DAB1: variants seen among roughly 807,000 people sequenced by gnomAD.
DAB1 encodes disabled homolog 1.
In DAB1, 15 loss-of-function variants were observed where a neutral mutation model predicts 64.6. That is an observed-to-expected ratio of 0.23 (90% confidence interval 0.16 to 0.36). The LOEUF (loss-of-function observed/expected upper bound fraction) is 0.36, where lower values mean the gene tolerates loss of function less well. Ranked by LOEUF, DAB1 falls within the 10% of genes least tolerant of loss-of-function variation. The probability of loss-of-function intolerance (pLI) is 1.00; values close to 1 mark genes in which losing one functional copy is unlikely to be tolerated. For missense variants in DAB1, 596 were observed against 706.7 expected (o/e 0.84, Z 1.78); for synonymous variants, 235 against 251.9 (o/e 0.93, Z 0.64).
intron 4 of DAB1, among the ~76,000 whole-genome samples, chr1:57,084,655 A>G (rs1018994028): frequency 2.6e-5 from 4 of 152,258 alleles, no homozygotes; most frequent in East Asian, 1.9e-4. Context: ...TAATTTTTCA[A>G]TCTGTAAAAT....
At chr1:57,843,334 T>C (rs1197501801) in intron 1 of DAB1, among the ~76,000 whole-genome samples, 3 of 152,176 alleles carry the variant, frequency 2.0e-5, no homozygotes, top group Non-Finnish European at 4.4e-5. Context: ...AGGTTTTAGA[T>C]TTATGCTCAG....
chr1:57,721,529 C>G (rs1054475410), intron 6 of DAB1, among the ~76,000 whole-genome samples: 3 of 152,202 alleles, frequency 2.0e-5, no homozygotes, highest in African/African-American at 7.2e-5. Context: ...CTTCATCTTA[C>G]AAATGAGGAT....
chr1:57,335,383 G>A (rs1385532716), intron 1 of DAB1, among the ~76,000 whole-genome samples: 1 of 152,158 alleles, frequency 6.6e-6, no homozygotes, highest in Non-Finnish European at 1.5e-5. Context: ...AAATGCAAAT[G>A]ACTATTTTAC....
intron 2 of DAB1, among the ~76,000 whole-genome samples, chr1:57,268,308 G>T (rs1028795369): frequency 6.6e-6 from 1 of 152,226 alleles, no homozygotes; most frequent in African/African-American, 2.4e-5. Context: ...TGATGCTGCT[G>T]CAAAAGAAGG....
At chr1:58,502,895 T>G (rs1237944521) in intron 3 of DAB1, among the ~76,000 whole-genome samples, 1 of 152,344 alleles carries the variant, frequency 6.6e-6, no homozygotes, top group East Asian at 1.9e-4. Context: ...TCAAATTAAG[T>G]TTCTGAACTA....
chr1:57,238,841 G>GCACACACACACACACATA (rs1668284149), intron 2 of DAB1, among the ~76,000 whole-genome samples: 2 of 138,298 alleles, frequency 1.4e-5, no homozygotes, highest in East Asian at 4.3e-4. Context: ...GTGCACATGC[G>GCACACACACACACACATA]CACACACACA....
intron 5 of DAB1, among the ~76,000 whole-genome samples, chr1:58,147,739 T>C (rs935026481): frequency 5.3e-5 from 8 of 152,160 alleles, no homozygotes; most frequent in Admixed American, 2.0e-4. Flanking sequence ...ATAACTTTCA[T>C]TGAGAGCTTA....
chr1:57,488,128 A>G (rs2254691), intron 7 of DAB1, among the ~76,000 whole-genome samples: 23,181 of 152,078 alleles, frequency 0.15, 4,507 homozygotes, highest in African/African-American at 0.45. Context: ...TGGGGGCCAG[A>G]CACGGCGGCT....
intron 2 of DAB1, among the ~76,000 whole-genome samples, chr1:57,189,149 A>G (rs1371923516): frequency 6.6e-6 from 1 of 151,652 alleles, no homozygotes; most frequent in East Asian, 1.9e-4. Context: ...CTCTTTTCCT[A>G]CCCCTTGCAA....
chr1:58,222,999 G>T (rs995718294), intron 4 of DAB1, among the ~76,000 whole-genome samples: 2 of 152,104 alleles, frequency 1.3e-5, no homozygotes, highest in Non-Finnish European at 2.9e-5. Context: ...TGGGTCAGGG[G>T]CCTCTTTGAG....
At chr1:58,119,225 CGTGTGTGTGTGT>C (rs35994489) in intron 5 of DAB1, among the ~76,000 whole-genome samples, 3 of 146,988 alleles carry the variant, frequency 2.0e-5, no homozygotes, top group Non-Finnish European at 3.0e-5. Context: ...TGTGTGTGTG[CGTGTGTGTGTGT>C]GTGTGTGTGT....
chr1:57,652,300 A>G (rs1361320276), intron 6 of DAB1, among the ~76,000 whole-genome samples: 1 of 152,058 alleles, frequency 6.6e-6, no homozygotes, highest in African/African-American at 2.4e-5. Flanking sequence ...GCACTACAGA[A>G]GGACCATTTC....
rs74990482 is a variant in DAB1, at chr1:57,000,852, C to T, written c.*16-2724G>A. 1.1e-4 allele frequency among the ~76,000 whole-genome samples: 17 copies of T among 152,266 alleles called. No homozygotes were observed. In the East Asian group the frequency reaches 2.3e-3, roughly 21 times the overall value. Reference sequence around the variant, plus strand: ...AACTAATTTATCCAACTGAAAATGACACCTAAAAACAGAAGAAGACAGCAG... The same window carrying T: ...AACTAATTTATCCAACTGAAAATGATACCTAAAAACAGAAGAAGACAGCAG... On this transcript the variant is annotated intron_variant, in intron 14 of 14. Transcript: ENST00000371236.
intron 1 of DAB1, among the ~76,000 whole-genome samples, chr1:57,355,132 G>A (rs372010861): frequency 8.6e-5 from 13 of 151,710 alleles, no homozygotes; most frequent in Non-Finnish European, 1.8e-4. Context: ...ATACAATCTT[G>A]GTCAAAAACC....
intron 1 of DAB1, among the ~76,000 whole-genome samples, chr1:57,408,296 GA>G (rs11284630): frequency 0.4 from 60,727 of 151,988 alleles, 12,693 homozygotes; most frequent in African/African-American, 0.46. Flanking sequence ...TTGGATTTTA[GA>G]AAAGGCAGCA....
At chr1:58,171,903 A>G (rs554062488) in intron 4 of DAB1, among the ~76,000 whole-genome samples, 1 of 152,220 alleles carries the variant, frequency 6.6e-6, no homozygotes, top group Non-Finnish European at 1.5e-5. Context: ...CAGCAGGTCA[A>G]ATATTTAGGC....
intron 7 of DAB1, among the ~76,000 whole-genome samples, chr1:57,578,922 T>C (rs948774303): frequency 6.6e-6 from 1 of 152,224 alleles, no homozygotes; most frequent in African/African-American, 2.4e-5. Flanking sequence ...TGCTGAATCA[T>C]TGCCTGAATA....
intron 4 of DAB1, among the ~76,000 whole-genome samples, chr1:58,260,521 A>C (rs1661025782): frequency 6.6e-6 from 1 of 152,142 alleles, no homozygotes; most frequent in Admixed American, 6.5e-5. Context: ...CTTATTGCCT[A>C]ATCATTAGCC....
intron 5 of DAB1, among the ~76,000 whole-genome samples, chr1:58,082,667 G>A (rs1557642491): frequency 1.3e-5 from 2 of 152,030 alleles, no homozygotes; most frequent in Non-Finnish European, 2.9e-5. Context: ...GGTGGAGTGG[G>A]GAGATCGTCA....
Sources: allele counts gnomAD v4.1 joint callset (sites outside exome capture counted in the v4.1 genomes callset), GRCh38; gene constraint gnomAD v4.1.1; transcripts MANE v1.5; gene names NCBI Gene and HGNC (gene_info 2026-07-23, HGNC 2026-07-21).